PTPRD: variants seen among roughly 807,000 people sequenced by gnomAD.
PTPRD encodes the protein receptor-type tyrosine-protein phosphatase delta.
Under a neutral mutation model 214.5 loss-of-function variants are expected in PTPRD, and 34 were observed. That is an observed-to-expected ratio of 0.16 (90% confidence interval 0.12 to 0.21). PTPRD has a LOEUF of 0.21. Ranked by LOEUF, PTPRD falls within the 10% of genes least tolerant of loss-of-function variation. The pLI, the probability that PTPRD is intolerant of heterozygous loss-of-function variation, is 1.00. For synonymous variants in PTPRD, 1,128 were observed against 845.7 expected, an observed-to-expected ratio of 1.33 and a Z score of -5.79; for missense variants, 2,545 against 2,398.7, an observed-to-expected ratio of 1.06 and a Z score of -1.27.
intron 11 of PTPRD, among the ~76,000 whole-genome samples, chr9:8,932,779 C>T (rs1567085150): frequency 1.3e-5 from 2 of 152,294 alleles, no homozygotes; most frequent in South Asian, 2.1e-4. Flanking sequence ...GAGAGAATTT[C>T]AAGCCAGTGG....
chr9:9,344,554 T>C (rs2048102713), intron 9 of PTPRD, among the ~76,000 whole-genome samples: 1 of 152,146 alleles, frequency 6.6e-6, no homozygotes, highest in East Asian at 1.9e-4. Context: ...AAAGTATATA[T>C]ATATGCATTT....
chr9:9,757,983 T>C lies in PTPRD; in HGVS notation c.-326+8827A>G, dbSNP rs1044113290. On this transcript the variant is annotated intron_variant, in intron 6 of 45. Transcript: ENST00000381196. ...CTAAGTCATAATTATTACCAACTTA[T>C]CAGTGCTTACATTTGGATAGTTCCA... Among the ~76,000 whole-genome samples the C allele has an allele frequency of 8.6e-5, 13 of 152,044 alleles. No homozygotes were observed. The South Asian group carries it at 2.7e-3, about 31-fold the overall frequency.
chr9:9,239,290 G>T (rs930369635), intron 9 of PTPRD, among the ~76,000 whole-genome samples: 1 of 151,916 alleles, frequency 6.6e-6, no homozygotes, highest in African/African-American at 2.4e-5. Flanking sequence ...ATAATCCTTG[G>T]TAAATAAAGA....
intron 11 of PTPRD, among the ~76,000 whole-genome samples, chr9:8,988,026 C>G (rs764617410): frequency 1.3e-5 from 2 of 151,002 alleles, no homozygotes; most frequent in Non-Finnish European, 3.0e-5. Context: ...AGAGAGAGGC[C>G]GGGGGAGATG....
At chr9:8,329,319 G>C (rs892956598) in intron 44 of PTPRD, among the ~76,000 whole-genome samples, 4 of 152,154 alleles carry the variant, frequency 2.6e-5, no homozygotes, top group African/African-American at 9.7e-5. Context: ...TCCAGACGCT[G>C]TTTGCCTGGG....
intron 39 of PTPRD, among the ~76,000 whole-genome samples, chr9:8,372,489 A>G (rs2081865148): frequency 6.6e-6 from 1 of 152,060 alleles, no homozygotes; most frequent in Non-Finnish European, 1.5e-5. Context: ...CAGAGATTAA[A>G]TAATTTGTCC....
chr9:10,213,445 ATC>A (rs1279817299), intron 3 of PTPRD, among the ~76,000 whole-genome samples: 3 of 152,072 alleles, frequency 2.0e-5, no homozygotes, highest in Non-Finnish European at 4.4e-5. Context: ...GTCTTTCACT[ATC>A]TGTCAGGTGG....
At chr9:10,276,351 A>C (rs1259670136) in intron 3 of PTPRD, among the ~76,000 whole-genome samples, 1 of 152,170 alleles carries the variant, frequency 6.6e-6, no homozygotes, top group Non-Finnish European at 1.5e-5. Context: ...ATTTGCCCCC[A>C]AGGACAATGC....
At chr9:10,283,225 C>T (rs146415899) in intron 3 of PTPRD, among the ~76,000 whole-genome samples, 42 of 152,062 alleles carry the variant, frequency 2.8e-4, no homozygotes, top group African/African-American at 1.0e-3. Flanking sequence ...CTGAATTTCC[C>T]AAAACTAGGA....
intron 3 of PTPRD, among the ~76,000 whole-genome samples, chr9:10,175,424 A>G (rs1308528768): frequency 6.6e-6 from 1 of 152,078 alleles, no homozygotes; most frequent in Non-Finnish European, 1.5e-5. Flanking sequence ...ATTTAAAAAC[A>G]TAAGAAAAAT....
chr9:10,182,486 A>G (rs1364403102), intron 3 of PTPRD, among the ~76,000 whole-genome samples: 2 of 152,048 alleles, frequency 1.3e-5, no homozygotes, highest in East Asian at 3.9e-4. Context: ...AACAATCATA[A>G]TAACAACAAC....
chr9:8,797,293 C>T (rs1173836122), intron 11 of PTPRD: 1 of 152,168 alleles, frequency 6.6e-6, no homozygotes, highest in Non-Finnish European at 1.5e-5. Context: ...CCTAGTTCTT[C>T]TCACGATAAC....
At chr9:9,424,464 T>C (rs553980158) in intron 8 of PTPRD, among the ~76,000 whole-genome samples, 49 of 152,298 alleles carry the variant, frequency 3.2e-4, no homozygotes, top group African/African-American at 1.2e-3. Context: ...CATAGTTCAC[T>C]GGGGTGAAGT....
intron 8 of PTPRD, among the ~76,000 whole-genome samples, chr9:9,509,948 G>C (rs1186234483): frequency 6.6e-6 from 1 of 151,490 alleles, no homozygotes; most frequent in Non-Finnish European, 1.5e-5. Context: ...ATTTCCAACT[G>C]GCTGCCTGAT....
intron 10 of PTPRD, among the ~76,000 whole-genome samples, chr9:9,044,919 G>A (rs1353859564): frequency 6.6e-6 from 1 of 152,112 alleles, no homozygotes; most frequent in African/African-American, 2.4e-5. Context: ...GCACTAGTCA[G>A]GCCATTTGCT....
intron 14 of PTPRD, among the ~76,000 whole-genome samples, chr9:8,536,422 T>C (rs531646365): frequency 2.0e-5 from 3 of 151,992 alleles, no homozygotes; most frequent in South Asian, 2.1e-4. Context: ...CACACACATA[T>C]ACACACACAT....
At chr9:9,020,781 G>C (rs901721143) in intron 10 of PTPRD, among the ~76,000 whole-genome samples, 1 of 152,148 alleles carries the variant, frequency 6.6e-6, no homozygotes. Flanking sequence ...ATCTAAGAGA[G>C]TGAGTGGCTG....
chr9:9,487,195 T>A (rs552504536), intron 8 of PTPRD, among the ~76,000 whole-genome samples: 2 of 152,060 alleles, frequency 1.3e-5, no homozygotes, highest in African/African-American at 2.4e-5. Flanking sequence ...TATCTCCTAA[T>A]GCTATCCCTC....
chr9:8,329,614 C>T (rs914625669), intron 44 of PTPRD, among the ~76,000 whole-genome samples: 3 of 152,152 alleles, frequency 2.0e-5, no homozygotes, highest in Non-Finnish European at 2.9e-5. Flanking sequence ...GCTGTGCCCA[C>T]AGCTGCCCCT....
Sources: gnomAD v4.1 joint callset for allele counts (sites outside exome capture counted in the v4.1 genomes callset) on GRCh38, gnomAD v4.1.1 for gene constraint, MANE v1.5 for transcripts, NCBI Gene and HGNC (gene_info 2026-07-23, HGNC 2026-07-21) for gene names.